Variants in TAOK3 observed in about 807,000 individuals in gnomAD.
TAOK3 encodes the protein TAO kinase 3, also known as serine/threonine-protein kinase TAO3.
A neutral mutation model predicts 120.4 loss-of-function variants in TAOK3; 40 were observed. That is an observed-to-expected ratio of 0.33 (90% CI 0.26 to 0.43). The LOEUF (loss-of-function observed/expected upper bound fraction) is 0.43, where lower values mean the gene tolerates loss of function less well. TAOK3 is among the 20% of genes least tolerant of loss of function. TAOK3 has a pLI of 1.00. For synonymous variants in TAOK3, 355 were observed against 387.5 expected (o/e 0.92, Z 0.99); for missense variants, 821 against 1,112.1 (o/e 0.74, Z 3.72).
chr12:118,191,266 G>A (rs2037415526), intron 13 of TAOK3, among the ~76,000 whole-genome samples: 1 of 152,106 alleles, frequency 6.6e-6, no homozygotes, highest in South Asian at 2.1e-4. Flanking sequence ...ATGCTTTGAT[G>A]TATTGGGAAG....
At chr12:118,318,069 A>T (rs2043544037) in intron 1 of TAOK3, among the ~76,000 whole-genome samples, 1 of 152,198 alleles carries the variant, frequency 6.6e-6, no homozygotes, top group African/African-American at 2.4e-5. Context: ...CATAGGCCAA[A>T]AAAATGAAGT....
intron 9 of TAOK3, among the ~76,000 whole-genome samples, chr12:118,226,113 C>G (rs2039492054): frequency 6.6e-6 from 1 of 152,190 alleles, no homozygotes; most frequent in African/African-American, 2.4e-5. Flanking sequence ...CGGTGGCTCA[C>G]GCCTGTAATC....
chr12:118,151,206 G>A lies in TAOK3; in HGVS notation c.2536-48C>T, dbSNP rs370292800. On this transcript the variant is annotated intron_variant, in intron 20 of 20. Coordinates refer to ENST00000392533, the MANE Select transcript of TAOK3 (RefSeq NM_016281.4). Reference sequence around the variant, plus strand: ...CTTAATGGAAAGCATCTCCTAACAGGCACCCACGTGCACGCGATACACCCA... The same window carrying A: ...CTTAATGGAAAGCATCTCCTAACAGACACCCACGTGCACGCGATACACCCA... 2.6e-5 allele frequency: 41 copies of A among 1,591,998 alleles called. No homozygotes were observed. The African/African-American group carries it at 5.4e-4, about 21-fold the overall frequency.
chr12:118,266,959 G>A (rs367854851), intron 1 of TAOK3, among the ~76,000 whole-genome samples, 200 bp from the exon 2 acceptor site: 2 of 152,138 alleles, frequency 1.3e-5, no homozygotes, highest in Non-Finnish European at 2.9e-5. Flanking sequence ...CAATATCTGG[G>A]AAACAAATGT....
intron 5 of TAOK3, among the ~76,000 whole-genome samples, chr12:118,241,013 T>C (rs2139960574): frequency 1.3e-5 from 2 of 149,390 alleles, no homozygotes; most frequent in Middle Eastern, 3.6e-3. Context: ...ATTATAAATA[T>C]AAGTATACTG....
At chr12:118,268,484 C>T (rs7137739) in intron 1 of TAOK3, among the ~76,000 whole-genome samples, 6,919 of 152,130 alleles carry the variant, frequency 0.045, 430 homozygotes, top group African/African-American at 0.14. Context: ...ATAAACTGAA[C>T]GTTTTCATTA....
intron 1 of TAOK3, among the ~76,000 whole-genome samples, chr12:118,370,857 A>G (rs192622424): frequency 8.5e-5 from 13 of 152,192 alleles, no homozygotes; most frequent in South Asian, 2.1e-4. Context: ...CCACCAGGAC[A>G]CACAGTGTCT....
chr12:118,279,740 T>C (rs928036762), intron 1 of TAOK3, among the ~76,000 whole-genome samples: 1 of 150,774 alleles, frequency 6.6e-6, no homozygotes, highest in Non-Finnish European at 1.5e-5. Context: ...TGCAACACCA[T>C]GCCCAGCTAA....
intron 1 of TAOK3, among the ~76,000 whole-genome samples, chr12:118,323,015 A>C (rs1203151977): frequency 6.6e-6 from 1 of 152,022 alleles, no homozygotes; most frequent in Non-Finnish European, 1.5e-5. Context: ...CCCGGACTTA[A>C]AACCCATTTT....
chr12:118,282,204 C>A (rs889127739), intron 1 of TAOK3, among the ~76,000 whole-genome samples: 4 of 152,148 alleles, frequency 2.6e-5, no homozygotes, highest in Non-Finnish European at 5.9e-5. Context: ...TGTTTTCTAC[C>A]AAACCTCTAT....
At chr12:118,194,612 C>CTT (rs58866768) in intron 13 of TAOK3, among the ~76,000 whole-genome samples, 998 of 98,150 alleles carry the variant, frequency 0.01, 13 homozygotes, top group African/African-American at 0.035. Flanking sequence ...AAGGACATTT[C>CTT]TTTTTTTTTT....
intron 1 of TAOK3, among the ~76,000 whole-genome samples, chr12:118,279,137 A>G (rs2042004772): frequency 6.6e-6 from 1 of 152,106 alleles, no homozygotes; most frequent in Non-Finnish European, 1.5e-5. Context: ...GTGATATGGT[A>G]TCTCATTGTG....
chr12:118,210,948 A>G (rs2038596513), intron 11 of TAOK3, among the ~76,000 whole-genome samples: 1 of 152,074 alleles, frequency 6.6e-6, no homozygotes, highest in Non-Finnish European at 1.5e-5. Flanking sequence ...CATGTTGGCC[A>G]GGCTGGTCTC....
At chr12:118,168,438 A>G (rs1348892544) in intron 17 of TAOK3, among the ~76,000 whole-genome samples, 1 of 152,244 alleles carries the variant, frequency 6.6e-6, no homozygotes, top group Non-Finnish European at 1.5e-5. Flanking sequence ...CAATGTATAC[A>G]TATATCAAAA....
intron 4 of TAOK3, among the ~76,000 whole-genome samples, chr12:118,243,792 C>T (rs573340775): frequency 2.6e-5 from 4 of 152,168 alleles, no homozygotes; most frequent in East Asian, 1.9e-4. Context: ...AAGTGATTCT[C>T]GTGCCTCCCA....
chr12:118,285,263 G>A (rs1047115524), intron 1 of TAOK3, among the ~76,000 whole-genome samples: 1 of 152,086 alleles, frequency 6.6e-6, no homozygotes, highest in Non-Finnish European at 1.5e-5. Flanking sequence ...GGCTGGTCAC[G>A]AACTCCTGAC....
At position 118,171,374 on chromosome 12, in the gene TAOK3, TTGAGA is replaced by T. The variant is rs1306277988; in HGVS notation, c.1899+1078_1899+1082del. Reference sequence around the variant, plus strand: ...TTCTTTTGTTTGTTTGTTTGTTTGTTTGAGATAAGTCTCACTCTATCACCCAGGCT... The same window carrying T: ...TTCTTTTGTTTGTTTGTTTGTTTGTTTAAGTCTCACTCTATCACCCAGGCT... On this transcript the variant is annotated intron_variant, in intron 17 of 20. Transcript: ENST00000392533. Among the ~76,000 whole-genome samples the T allele has an allele frequency of 2.6e-5, 4 of 152,296 alleles. No homozygotes were observed. In the East Asian group the frequency reaches 5.8e-4, roughly 22 times the overall value.
intron 1 of TAOK3, among the ~76,000 whole-genome samples, chr12:118,303,710 T>C (rs2042953337): frequency 6.6e-6 from 1 of 152,180 alleles, no homozygotes; most frequent in Middle Eastern, 3.2e-3. Context: ...TGCAATGGCA[T>C]GATCTCGGCT....
At chr12:118,345,664 G>A (rs547571810) in intron 1 of TAOK3, among the ~76,000 whole-genome samples, 1 of 151,074 alleles carries the variant, frequency 6.6e-6, no homozygotes, top group South Asian at 2.1e-4. Flanking sequence ...GACATACAAT[G>A]TAATAATGCT....
Sources: gnomAD v4.1 joint callset for allele counts (sites outside exome capture counted in the v4.1 genomes callset) on GRCh38, gnomAD v4.1.1 for gene constraint, MANE v1.5 for transcripts, NCBI Gene and HGNC (gene_info 2026-07-23, HGNC 2026-07-21) for gene names.